Variants in COG5 observed in about 807,000 individuals in gnomAD.
COG5 encodes the protein conserved oligomeric Golgi complex subunit 5.
A neutral mutation model predicts 110.4 loss-of-function variants in COG5; 86 were observed. The observed-to-expected ratio is 0.78, with a 90% CI of 0.65 to 0.93. The LOEUF is 0.93. COG5 is among the 40% of genes least tolerant of loss of function. COG5 has a pLI of 0.00. For synonymous variants in COG5, 360 were observed against 334.6 expected (o/e 1.08, Z -0.83); for missense variants, 1,077 against 987.0 (o/e 1.09, Z -1.22).
intron 7 of COG5, among the ~76,000 whole-genome samples, chr7:107,383,022 G>A (rs764490439): frequency 3.9e-5 from 6 of 152,088 alleles, no homozygotes; most frequent in Non-Finnish European, 5.9e-5. Context: ...AATCCTGCCA[G>A]GTGATGGGAA....
At chr7:107,400,777 T>C (rs968466454) in intron 7 of COG5, among the ~76,000 whole-genome samples, 7 of 152,194 alleles carry the variant, frequency 4.6e-5, no homozygotes, top group Non-Finnish European at 8.8e-5. Context: ...GCCAATGTTA[T>C]TGTGGATTGT....
chr7:107,238,027 C>T (rs1801334291), intron 17 of COG5, among the ~76,000 whole-genome samples: 1 of 152,056 alleles, frequency 6.6e-6, no homozygotes, highest in African/African-American at 2.4e-5. Flanking sequence ...TAAGGGGATA[C>T]ACAGTAATGT....
intron 6 of COG5, among the ~76,000 whole-genome samples, chr7:107,461,495 TC>T (rs1795986624): frequency 6.6e-6 from 1 of 152,148 alleles, no homozygotes; most frequent in Admixed American, 6.5e-5. Flanking sequence ...TTGAATACTT[TC>T]CCCCTGAAGA....
chr7:107,340,098 A>C (rs1811051351), intron 10 of COG5, among the ~76,000 whole-genome samples: 1 of 152,092 alleles, frequency 6.6e-6, no homozygotes, highest in Non-Finnish European at 1.5e-5. Flanking sequence ...GGTTCTTTGA[A>C]AGAGTAATAA....
chr7:107,483,773 T>C (rs1287886936), intron 6 of COG5, among the ~76,000 whole-genome samples: 3 of 151,878 alleles, frequency 2.0e-5, no homozygotes, highest in African/African-American at 4.8e-5. Context: ...GGCCACGTTA[T>C]AGAAAAATAT....
intron 10 of COG5, among the ~76,000 whole-genome samples, chr7:107,325,993 G>A (rs982866187): frequency 6.6e-6 from 1 of 152,114 alleles, no homozygotes; most frequent in African/African-American, 2.4e-5. Context: ...GTTTAAAGTA[G>A]ATGCTTTTCA....
chr7:107,531,604 A>T (rs1801203124), intron 5 of COG5, among the ~76,000 whole-genome samples: 1 of 151,742 alleles, frequency 6.6e-6, no homozygotes, highest in East Asian at 1.9e-4. Flanking sequence ...ATAATTTCCT[A>T]ATATTCACCA....
At chr7:107,375,413 T>C (rs748896487) in intron 7 of COG5, among the ~76,000 whole-genome samples, 3 of 152,042 alleles carry the variant, frequency 2.0e-5, no homozygotes, top group Admixed American at 6.5e-5. Context: ...TTAGTACACT[T>C]AGAGTTTGTA....
At chr7:107,438,785 T>C (rs1176525510) in intron 6 of COG5, among the ~76,000 whole-genome samples, 2 of 152,184 alleles carry the variant, frequency 1.3e-5, no homozygotes, top group African/African-American at 4.8e-5. Context: ...AGGAATATAA[T>C]TTAGATCAGA....
At chr7:107,321,288 T>G (rs1416031623) in intron 11 of COG5, among the ~76,000 whole-genome samples, 1 of 152,088 alleles carries the variant, frequency 6.6e-6, no homozygotes, top group African/African-American at 2.4e-5. Context: ...CTAAAAACTA[T>G]AAAGCATTTA....
chr7:107,254,712 CT>C (rs1190647568), intron 16 of COG5, among the ~76,000 whole-genome samples: 2 of 152,126 alleles, frequency 1.3e-5, no homozygotes, highest in African/African-American at 4.8e-5. Flanking sequence ...TCTTTGTTGT[CT>C]GTCAAAAATA....
Position 107,298,327 on chromosome 7 carries a change from C to T in COG5, c.1128G>A (p.Gln376=). ...ATTTAGGGTATTCTCCTTCAAATGC[C>T]TGCTTCAAAAACATCGAAGCTGCCA... ...MATNSSMFLK[Q]AFEGEYPKLL... Residue 376 remains glutamine, a synonymous_variant, in exon 12 of 22, where the codon CAG becomes CAA. Transcript: ENST00000297135. The T allele has an allele frequency of 6.2e-7, 1 of 1,613,284 alleles. No individual in the cohort carries two copies. Among genetic ancestry groups the T allele is most frequent in the Non-Finnish European group, 8.5e-7 (1 of 1,179,598 alleles).
At chr7:107,353,291 G>T (rs896129870) in intron 10 of COG5, among the ~76,000 whole-genome samples, 2 of 151,798 alleles carry the variant, frequency 1.3e-5, no homozygotes, top group African/African-American at 4.8e-5. Context: ...CGGGCGAGGT[G>T]GCGGGCACCT....
Position 107,226,964 on chromosome 7 carries a change from T to C in COG5, c.2168+3651A>G, listed in dbSNP as rs993564048. On this transcript the variant is annotated intron_variant, in intron 19 of 21. Transcript: ENST00000297135. ...CATAGGCAAGAAACAATTATTCTTA[T>C]GTGCCTGAGGCCTTGGGAGCTAAGA... Among the ~76,000 whole-genome samples, 5 of 152,330 alleles carry C rather than the reference T, an allele frequency of 3.3e-5. 1 individual carries two copies. The South Asian group carries it at 1.0e-3, about 32-fold the overall frequency.
intron 10 of COG5, among the ~76,000 whole-genome samples, chr7:107,358,605 G>A (rs927129450): frequency 6.6e-6 from 1 of 152,158 alleles, no homozygotes; most frequent in African/African-American, 2.4e-5. Context: ...ATTTTGAGAA[G>A]GACCCCATAA....
chr7:107,419,646 C>A (rs998542448), intron 6 of COG5, among the ~76,000 whole-genome samples: 7 of 151,694 alleles, frequency 4.6e-5, no homozygotes, highest in African/African-American at 1.7e-4. Flanking sequence ...TGGCTCACTG[C>A]AACCTCCGCC....
At chr7:107,423,411 C>T (rs542372658) in intron 6 of COG5, among the ~76,000 whole-genome samples, 7 of 152,204 alleles carry the variant, frequency 4.6e-5, no homozygotes, top group African/African-American at 1.4e-4. Flanking sequence ...ACAAGATTAT[C>T]TGAGTTGATC....
chr7:107,499,104 A>G (rs1396632524), intron 6 of COG5, among the ~76,000 whole-genome samples: 1 of 152,188 alleles, frequency 6.6e-6, no homozygotes, highest in Non-Finnish European at 1.5e-5. Context: ...AGACAAATGC[A>G]TGGAAGCGAA....
At chr7:107,554,812 A>G (rs766410424) in intron 2 of COG5, among the ~76,000 whole-genome samples, 2 of 152,138 alleles carry the variant, frequency 1.3e-5, no homozygotes, top group African/African-American at 2.4e-5. Context: ...AGAGCCCTGC[A>G]CTAAACCCTA....
Sources: gnomAD v4.1 joint callset for allele counts (sites outside exome capture counted in the v4.1 genomes callset) on GRCh38, gnomAD v4.1.1 for gene constraint, MANE v1.5 for transcripts, NCBI Gene and HGNC (gene_info 2026-07-23, HGNC 2026-07-21) for gene names.